UPF3B: variants seen among roughly 807,000 people sequenced by gnomAD.
The protein encoded by UPF3B is regulator of nonsense transcripts 3B.
Under a neutral mutation model 40.3 loss-of-function variants are expected in UPF3B, and 7 were observed. That is an observed-to-expected ratio of 0.17 (90% CI 0.10 to 0.33). The LOEUF is 0.33. UPF3B is among the 10% of genes least tolerant of loss of function. The probability of loss-of-function intolerance (pLI) is 1.00; values close to 1 mark genes in which losing one functional copy is unlikely to be tolerated. For synonymous variants in UPF3B, 117 were observed against 117.3 expected (o/e 1.00, Z 0.01); for missense variants, 229 against 358.9 (o/e 0.64, Z 2.93).
chrX:119,806,894 T>G (rs1238031001), intron 6 of UPF3B, among the ~76,000 whole-genome samples: 1 of 107,445 alleles, frequency 9.3e-6, no homozygotes, highest in African/African-American at 3.4e-5. Context: ...CCAGGCAAGG[T>G]GGCGGGCACC....
intron 3 of UPF3B, among the ~76,000 whole-genome samples, chrX:119,828,460 C>T (rs1417937857): frequency 2.7e-5 from 3 of 111,105 alleles, no homozygotes; most frequent in African/African-American, 9.8e-5. Flanking sequence ...TTGCTTGATC[C>T]CAGGAGTTTG....
intron 4 of UPF3B, among the ~76,000 whole-genome samples, chrX:119,816,888 C>T (rs1463540886): frequency 3.6e-5 from 4 of 111,616 alleles, no homozygotes; most frequent in African/African-American, 9.8e-5. Flanking sequence ...AATTGGTTTT[C>T]ACACTAGTAG....
In UPF3B at chrX:119,852,769, G is replaced by T; in HGVS notation, c.156+4C>A. On this transcript the variant is annotated splice_donor_region_variant and intron_variant, in intron 1 of 10. Coordinates refer to ENST00000276201, the MANE Select transcript of UPF3B (RefSeq NM_080632.3). ...CTCTCCCGGGCCAGCGGCCGACCGG[G>T]CACCTTGCTCAGCGCTTCTTTCTTC... 1 of 1,212,388 alleles carries T rather than the reference G, an allele frequency of 8.2e-7. No homozygotes were observed. Among genetic ancestry groups the T allele is most frequent in the South Asian group, 1.8e-5 (1 of 57,054 alleles).
At chrX:119,813,435 C>A (rs1317872189) in intron 5 of UPF3B, among the ~76,000 whole-genome samples, 2 of 111,319 alleles carry the variant, frequency 1.8e-5, no homozygotes, top group Admixed American at 9.7e-5. Flanking sequence ...GAGATGGCTG[C>A]TCCTGCTTTA....
intron 4 of UPF3B, among the ~76,000 whole-genome samples, chrX:119,820,610 C>A (rs2055907540): frequency 9.3e-6 from 1 of 107,020 alleles, no homozygotes. Flanking sequence ...CAGGTGCGCT[C>A]CACCAAGCCT....
intron 7 of UPF3B, 40 bp downstream of exon 7, chrX:119,841,036 A>G: frequency 8.4e-7 from 1 of 1,197,020 alleles, no homozygotes; most frequent in Non-Finnish European, 1.1e-6. Flanking sequence ...AGATACGTGC[A>G]ATTTTTAGCA....
downstream of UPF3B, among the ~76,000 whole-genome samples, chrX:119,833,726 G>A (rs780159378): frequency 8.8e-4 from 99 of 112,310 alleles, no homozygotes; most frequent in Non-Finnish European, 1.5e-3. Flanking sequence ...GGGTGGTCTT[G>A]AACTCCTGAC....
At chrX:119,831,732 G>A, downstream of UPF3B, 13 of 754,010 alleles carry the variant, frequency 1.7e-5, no homozygotes, top group Non-Finnish European at 1.9e-5. Flanking sequence ...TGAACTCCTG[G>A]ATGGTAAGAC....
chrX:119,818,080 C>A (rs1406688508), intron 4 of UPF3B, among the ~76,000 whole-genome samples: 1 of 109,518 alleles, frequency 9.1e-6, no homozygotes, highest in Non-Finnish European at 1.9e-5. Flanking sequence ...GCCTGGCCAA[C>A]ATAGTGAAAC....
chrX:119,827,358 A>G (rs981714752), intron 3 of UPF3B, among the ~76,000 whole-genome samples: 7 of 111,472 alleles, frequency 6.3e-5, no homozygotes, highest in Non-Finnish European at 1.1e-4. Flanking sequence ...ATAAATGGCT[A>G]GTATCACTGC....
At chrX:119,823,132 T>C (rs1466190729) in intron 3 of UPF3B, 16 of 405,795 alleles carry the variant, frequency 3.9e-5, no homozygotes, top group South Asian at 1.3e-4. Flanking sequence ...TATTAATATA[T>C]ACTAAAGCCC....
At position 119,843,410 on chromosome X, in the gene UPF3B, A is replaced by C. The variant is rs187907134; in HGVS notation, c.470-109T>G. 42 of 592,086 alleles carry C rather than the reference A, an allele frequency of 7.1e-5. No homozygotes were observed. The African/African-American group carries it at 8.0e-4, about 11-fold the overall frequency. 48.8% of individuals were successfully genotyped at this position (592,086 alleles called of 1,213,427 possible). A position where few individuals can be genotyped will look rare whatever the true frequency, so the allele number is the denominator to read the frequency against. Reference sequence around the variant, plus strand: ...AGAAGATAATTTTTTACTTCGTGGAAGATTAAAAAAAACCAAACCATACCC... The same window carrying C: ...AGAAGATAATTTTTTACTTCGTGGACGATTAAAAAAAACCAAACCATACCC... On this transcript the variant is annotated intron_variant, in intron 4 of 10. Coordinates refer to ENST00000276201, the MANE Select transcript of UPF3B (RefSeq NM_080632.3).
At chrX:119,846,129 T>C (rs1050099334) in intron 3 of UPF3B, among the ~76,000 whole-genome samples, 1 of 109,973 alleles carries the variant, frequency 9.1e-6, no homozygotes, top group African/African-American at 3.3e-5. Context: ...AGGTCAGAAG[T>C]TTGAGACCTG....
chrX:119,835,862 AG>A (rs1402933124), intron 10 of UPF3B, among the ~76,000 whole-genome samples: 1 of 111,264 alleles, frequency 9.0e-6, no homozygotes, highest in Non-Finnish European at 1.9e-5. Context: ...CTGTAGTCCC[AG>A]CTACTCTGGA....
chrX:119,830,478 C>T (rs1298206088), downstream of UPF3B, among the ~76,000 whole-genome samples: 1 of 111,092 alleles, frequency 9.0e-6, no homozygotes, highest in Non-Finnish European at 1.9e-5. Context: ...AGTAAAAGCT[C>T]CCTGAGGCCT....
At chrX:119,838,890 C>T (rs1263240311) in intron 8 of UPF3B, among the ~76,000 whole-genome samples, 2 of 111,248 alleles carry the variant, frequency 1.8e-5, no homozygotes, top group Non-Finnish European at 3.8e-5. Context: ...GTCCTCCTGC[C>T]TCAGCCTCTT....
intron 1 of UPF3B, among the ~76,000 whole-genome samples, chrX:119,852,220 G>A (rs1338631492): frequency 1.8e-5 from 2 of 111,379 alleles, no homozygotes. Context: ...GTCTTTGTGG[G>A]TGCCACGAAA....
intron 4 of UPF3B, among the ~76,000 whole-genome samples, chrX:119,819,972 C>T (rs1402336279): frequency 3.7e-5 from 4 of 107,446 alleles, no homozygotes; most frequent in Non-Finnish European, 7.7e-5. Flanking sequence ...AGCCTCCCGA[C>T]TAACTGGGAT....
At chrX:119,828,043 T>C (rs1325119396) in intron 3 of UPF3B, among the ~76,000 whole-genome samples, 2 of 109,002 alleles carry the variant, frequency 1.8e-5, no homozygotes, top group Non-Finnish European at 3.8e-5. Flanking sequence ...CTTTTTTTTT[T>C]TTCTTTTTTC....
Sources: allele counts gnomAD v4.1 joint callset (sites outside exome capture counted in the v4.1 genomes callset), GRCh38; gene constraint gnomAD v4.1.1; transcripts MANE v1.5; gene names NCBI Gene and HGNC (gene_info 2026-07-23, HGNC 2026-07-21).